PCDHGA6: variants seen among roughly 807,000 people sequenced by gnomAD.
PCDHGA6 encodes protocadherin gamma-A6.
Under a neutral mutation model 60.6 loss-of-function variants are expected in PCDHGA6, and 41 were observed. The ratio of observed to expected loss-of-function variants is 0.68; its 90% CI spans 0.53 to 0.88. The LOEUF (loss-of-function observed/expected upper bound fraction) is 0.88. Ranked by LOEUF, PCDHGA6 falls within the 40% of genes least tolerant of loss-of-function variation. PCDHGA6 has a pLI of 0.00. For synonymous variants in PCDHGA6, 594 were observed against 524.4 expected, an observed-to-expected ratio of 1.13 and a Z score of -1.81; for missense variants, 1,312 against 1,203.0, an observed-to-expected ratio of 1.09 and a Z score of -1.34.
chr5:141,422,750 T>C (rs778578440), intron 1 of PCDHGA6: 4 of 1,611,900 alleles, frequency 2.5e-6, no homozygotes, highest in Non-Finnish European at 3.4e-6. Flanking sequence ...TATGTCTCTA[T>C]TAACTCCAAC....
At position 141,476,716 on chromosome 5, in the gene PCDHGA6, C is replaced by G; in HGVS notation, c.2425-18091C>G. The G allele has an allele frequency of 6.2e-7, 1 of 1,614,148 alleles. No individual in the cohort carries two copies. On this transcript the variant is annotated intron_variant, in intron 1 of 3. Transcript: ENST00000517434. The surrounding 1 kb of genome is among the most constrained non-coding windows in gnomAD (Gnocchi z 7.6). The stretch of plus-strand genomic sequence containing the variant: ...AGTACGCGGAGCTGGTGTTGGAGCG[C>G]GCCCTGGACCGAGAACGGGAGCCTA...
At chr5:141,427,824 G>A (rs1298494092) in intron 1 of PCDHGA6, 5 of 1,535,458 alleles carry the variant, frequency 3.3e-6, no homozygotes, top group African/African-American at 1.4e-5. Flanking sequence ...GGTGGTGGTC[G>A]CGCAGCGTGC....
intron 1 of PCDHGA6, chr5:141,409,456 C>T: frequency 1.2e-6 from 2 of 1,613,974 alleles, no homozygotes; most frequent in Middle Eastern, 3.3e-4. Context: ...CACCAGAATA[C>T]AATGTCACCA....
At position 141,486,931 on chromosome 5, in the gene PCDHGA6, T is replaced by C. The variant is rs201042803; in HGVS notation, c.2425-7876T>C. 2 of 1,614,258 alleles carry C rather than the reference T, an allele frequency of 1.2e-6. No homozygotes were observed. Among genetic ancestry groups the C allele is most frequent in the East Asian group, 2.2e-5 (1 of 44,876 alleles). ...AAGCACTGCCTCCATCAGTTGGTGC[T>C]GGCCACCTAATCACAAAGGTGACTG... On this transcript the variant is annotated intron_variant, in intron 1 of 3. Coordinates refer to ENST00000517434, the MANE Select transcript of PCDHGA6 (RefSeq NM_018919.3). This position sits in a 1 kb window ranked among gnomAD's most constrained non-coding sequence, Gnocchi z 5.0.
chr5:141,457,429 C>A (rs73280316), intron 1 of PCDHGA6, among the ~76,000 whole-genome samples: 7 of 152,178 alleles, frequency 4.6e-5, no homozygotes, highest in Non-Finnish European at 7.4e-5. Flanking sequence ...TTTTCCCCCC[C>A]ACCAAGCTGC....
chr5:141,388,628 G>T (rs752578230), intron 1 of PCDHGA6: 1 of 1,613,898 alleles, frequency 6.2e-7, no homozygotes, highest in East Asian at 2.2e-5. Flanking sequence ...ACGTATACAG[G>T]GTGAGCCTTT....
In PCDHGA6 at chr5:141,404,896, C is replaced by T. The variant is rs182502698; in HGVS notation, c.2424+28389C>T. ...AGAGCCTTGTGGTGGCTGTACAGGA[C>T]CATGGCCAGCCCCCTCTCTCGGCCA... On this transcript the variant is annotated intron_variant, in intron 1 of 3. Transcript: ENST00000517434. The T allele has an allele frequency of 3.7e-5, 59 of 1,613,884 alleles. No homozygotes were observed. The Admixed American group carries it at 8.3e-4, about 23-fold the overall frequency.
chr5:141,473,647 C>T (rs2099326149), intron 1 of PCDHGA6, among the ~76,000 whole-genome samples: 1 of 152,172 alleles, frequency 6.6e-6, no homozygotes, highest in Non-Finnish European at 1.5e-5. Flanking sequence ...GGCAAAGGAA[C>T]AATTTGTGTG....
Position 141,475,871 on chromosome 5 carries a change from A to C in PCDHGA6, c.2425-18936A>C, listed in dbSNP as rs568810142. 35 of 513,270 alleles carry C rather than the reference A, an allele frequency of 6.8e-5. No individual in the cohort carries two copies. The East Asian group carries it at 1.1e-3, about 16-fold the overall frequency. The allele number at this position is 513,270 out of a possible 1,614,324, so 31.8% of individuals were successfully genotyped here. The stretch of plus-strand genomic sequence containing the variant: ...CCCGGCGCTAGCTCATTCTTCGTGC[A>C]GTTATTGGCTGGGACTCTGTGTGCC... On this transcript the variant is annotated intron_variant, in intron 1 of 3. Transcript: ENST00000517434.
intron 1 of PCDHGA6, among the ~76,000 whole-genome samples, chr5:141,469,134 G>T (rs2099192163): frequency 6.6e-6 from 1 of 151,944 alleles, no homozygotes; most frequent in Non-Finnish European, 1.5e-5. Context: ...AAATTAGCCA[G>T]AAATGGTGGC....
At position 141,409,702 on chromosome 5, in the gene PCDHGA6, G is replaced by T. The variant is rs545411022; in HGVS notation, c.2424+33195G>T. The T allele has an allele frequency of 1.9e-6, 3 of 1,613,226 alleles. No individual in the cohort carries two copies. The East Asian group carries it at 6.7e-5, about 36-fold the overall frequency. ...TGGCGAGTGACCTAGAGCCCCTGGC[G>T]GTGTCGTCATACGTGTCAGTGAGCG... On this transcript the variant is annotated intron_variant, in intron 1 of 3. Coordinates refer to ENST00000517434, the MANE Select transcript of PCDHGA6 (RefSeq NM_018919.3).
chr5:141,385,045 C>A, intron 1 of PCDHGA6: 1 of 1,614,178 alleles, frequency 6.2e-7, no homozygotes, highest in Non-Finnish European at 8.5e-7. Context: ...GGCGCTCAGG[C>A]TGCGGCGCTG....
chr5:141,460,783 T>G (rs1000959104), intron 1 of PCDHGA6, among the ~76,000 whole-genome samples: 1 of 152,030 alleles, frequency 6.6e-6, no homozygotes, highest in Non-Finnish European at 1.5e-5. Flanking sequence ...TGTATACATA[T>G]ATACACACAA....
intron 1 of PCDHGA6, chr5:141,392,605 C>CAA: frequency 1.9e-6 from 1 of 514,610 alleles, no homozygotes; most frequent in Non-Finnish European, 3.4e-6. Context: ...TACTGGAAGA[C>CAA]AAATGCAACC....
At chr5:141,386,678 G>T (rs1376452903) in intron 1 of PCDHGA6, among the ~76,000 whole-genome samples, 2 of 152,012 alleles carry the variant, frequency 1.3e-5, no homozygotes, top group African/African-American at 4.8e-5. Context: ...CATTTCAGAT[G>T]TACAATCACT....
At chr5:141,499,880 G>A (rs1177287013) in intron 2 of PCDHGA6, among the ~76,000 whole-genome samples, 1 of 151,886 alleles carries the variant, frequency 6.6e-6, no homozygotes, top group African/African-American at 2.4e-5. Flanking sequence ...TACAAACAGG[G>A]TTTCGCCATG....
chr5:141,500,144 C>T (rs2099796717), intron 2 of PCDHGA6, among the ~76,000 whole-genome samples: 1 of 151,426 alleles, frequency 6.6e-6, no homozygotes, highest in South Asian at 2.1e-4. Context: ...CTAAACTTTT[C>T]TTTGTGTAAT....
At chr5:141,484,912 T>G (rs1594427765) in intron 1 of PCDHGA6, 1 of 437,066 alleles carries the variant, frequency 2.3e-6, no homozygotes, top group East Asian at 4.0e-5. Flanking sequence ...TGCGACGCAT[T>G]AACCCTGCTG....
At chr5:141,413,844 C>A in intron 1 of PCDHGA6, 2 of 1,613,254 alleles carry the variant, frequency 1.2e-6, no homozygotes, top group Non-Finnish European at 1.7e-6. Context: ...ACGGGGGTGA[C>A]CCTCTCCGAT....
Sources: allele counts gnomAD v4.1 joint callset (sites outside exome capture counted in the v4.1 genomes callset), GRCh38; gene constraint gnomAD v4.1.1; non-coding constraint Gnocchi (gnomAD v3.1); transcripts MANE v1.5; gene names NCBI Gene and HGNC (gene_info 2026-07-23, HGNC 2026-07-21).